Variants in GOLM2 observed in about 807,000 individuals in gnomAD.
The protein encoded by GOLM2 is protein GOLM2.
A neutral mutation model predicts 55.9 loss-of-function variants in GOLM2; 26 were observed. The observed-to-expected ratio is 0.47, with a 90% CI of 0.34 to 0.65. GOLM2 has a LOEUF of 0.65. Among genes scored for constraint, GOLM2 ranks in the 30% least tolerant of loss-of-function variants. The pLI is 0.01. For synonymous variants in GOLM2, 165 were observed against 194.6 expected (o/e 0.85, Z 1.27); for missense variants, 486 against 531.8 (o/e 0.91, Z 0.85).
chr15:44,408,418 A>G (rs971762388), intron 9 of GOLM2, among the ~76,000 whole-genome samples: 34 of 152,208 alleles, frequency 2.2e-4, no homozygotes, highest in South Asian at 2.1e-4. Flanking sequence ...AAGATACCAT[A>G]TTAAAACTTT....
chr15:44,369,616 G>C (rs2079315768), intron 6 of GOLM2, among the ~76,000 whole-genome samples: 1 of 151,108 alleles, frequency 6.6e-6, no homozygotes, highest in Admixed American at 6.6e-5. Flanking sequence ...GAGATCAGGA[G>C]TTTGAGACCA....
chr15:44,327,072 T>A lies in GOLM2; in HGVS notation c.383-1613T>A, dbSNP rs1235454566. On this transcript the variant is annotated intron_variant, in intron 2 of 9. Transcript: ENST00000299957. The stretch of plus-strand genomic sequence containing the variant: ...TTCAAGTGATTCTCTTGCCTCAGCC[T>A]CCCAAGTAGCTGGGATTACAGGCTC... 3.3e-5 allele frequency among the ~76,000 whole-genome samples: 5 copies of A among 151,482 alleles called. No homozygotes were observed. In the East Asian group the frequency reaches 9.9e-4, roughly 30 times the overall value.
At chr15:44,295,947 CAG>C (rs1555420388) in intron 1 of GOLM2, among the ~76,000 whole-genome samples, 6 of 151,194 alleles carry the variant, frequency 4.0e-5, no homozygotes, top group East Asian at 2.0e-4. Context: ...CACACACACA[CAG>C]ACACCCTTTT....
At chr15:44,359,826 G>A (rs1451087923) in intron 6 of GOLM2, among the ~76,000 whole-genome samples, 1 of 152,178 alleles carries the variant, frequency 6.6e-6, no homozygotes, top group African/African-American at 2.4e-5. Context: ...CCCACAAAGG[G>A]AAGCCCATCA....
chr15:44,373,843 A>G (rs769996513), intron 6 of GOLM2, among the ~76,000 whole-genome samples: 3 of 151,688 alleles, frequency 2.0e-5, no homozygotes, highest in Non-Finnish European at 4.4e-5. Context: ...GCTCACACCT[A>G]TAATCCCAGC....
At chr15:44,342,125 G>A (rs2079094308) in intron 6 of GOLM2, among the ~76,000 whole-genome samples, 1 of 152,030 alleles carries the variant, frequency 6.6e-6, no homozygotes, top group African/African-American at 2.4e-5. Context: ...ATTTGGAACT[G>A]GGAAAAACAC....
At chr15:44,352,454 A>G (rs2079170976) in intron 6 of GOLM2, among the ~76,000 whole-genome samples, 1 of 152,162 alleles carries the variant, frequency 6.6e-6, no homozygotes, top group African/African-American at 2.4e-5. Flanking sequence ...TAAGACCTGA[A>G]CTATGAAACT....
At chr15:44,336,578 A>T (rs2141145269) in intron 4 of GOLM2, among the ~76,000 whole-genome samples, 1 of 152,180 alleles carries the variant, frequency 6.6e-6, no homozygotes, top group South Asian at 2.1e-4. Context: ...CCTACACCTA[A>T]TTGTCAGAGT....
At chr15:44,385,434 T>A (rs1255143679) in intron 8 of GOLM2, among the ~76,000 whole-genome samples, 1 of 151,118 alleles carries the variant, frequency 6.6e-6, no homozygotes, top group South Asian at 2.1e-4. Flanking sequence ...AAGTGATGTT[T>A]CCTTGTGGTT....
At chr15:44,398,866 C>T (rs1440725289) in intron 8 of GOLM2, among the ~76,000 whole-genome samples, 1 of 151,862 alleles carries the variant, frequency 6.6e-6, no homozygotes, top group Non-Finnish European at 1.5e-5. Flanking sequence ...TGGGGTTTCT[C>T]CATGTTGGCC....
Position 44,322,589 on chromosome 15 carries a change from A to C in GOLM2, c.328-376A>C, listed in dbSNP as rs574933681. On this transcript the variant is annotated intron_variant, in intron 1 of 9. Coordinates refer to ENST00000299957, the MANE Select transcript of GOLM2 (RefSeq NM_138423.4). ...TATCCAAGGTCTTATTTTAATTTTT[A>C]AGTTGACTGGTAAGCCTTTGAGTCA... Among the ~76,000 whole-genome samples the C allele has an allele frequency of 7.9e-5, 12 of 152,220 alleles. No individual in the cohort carries two copies. The East Asian group carries it at 2.3e-3, about 29-fold the overall frequency.
At chr15:44,380,145 G>C (rs569248306) in intron 7 of GOLM2, among the ~76,000 whole-genome samples, 1 of 151,854 alleles carries the variant, frequency 6.6e-6, no homozygotes, top group South Asian at 2.1e-4. Context: ...TAAAATCTTC[G>C]TACTTATGAA....
intron 9 of GOLM2, among the ~76,000 whole-genome samples, chr15:44,408,144 T>G (rs2079610407): frequency 6.6e-6 from 1 of 152,238 alleles, no homozygotes; most frequent in Non-Finnish European, 1.5e-5. Context: ...AAATATTCCT[T>G]TAATATTCAT....
At chr15:44,389,411 C>A (rs2079472617) in intron 8 of GOLM2, among the ~76,000 whole-genome samples, 1 of 152,032 alleles carries the variant, frequency 6.6e-6, no homozygotes, top group African/African-American at 2.4e-5. Context: ...CGCCTGCAGT[C>A]TCAGCTACTC....
At chr15:44,363,890 G>T (rs1446623491) in intron 6 of GOLM2, among the ~76,000 whole-genome samples, 1 of 152,072 alleles carries the variant, frequency 6.6e-6, no homozygotes, top group African/African-American at 2.4e-5. Flanking sequence ...CATGTCCTTT[G>T]TAGGGACATG....
intron 6 of GOLM2, among the ~76,000 whole-genome samples, chr15:44,373,211 A>C (rs2079340417): frequency 6.6e-6 from 1 of 152,104 alleles, no homozygotes; most frequent in Non-Finnish European, 1.5e-5. Flanking sequence ...TAATCCCAGC[A>C]CTTTGGGAGG....
chr15:44,358,675 A>G (rs1419427569), intron 6 of GOLM2, among the ~76,000 whole-genome samples: 2 of 152,228 alleles, frequency 1.3e-5, no homozygotes, highest in African/African-American at 4.8e-5. Flanking sequence ...CTAGACATAG[A>G]CGTTATACCC....
chr15:44,344,307 A>G (rs920228687), intron 6 of GOLM2, among the ~76,000 whole-genome samples: 1 of 150,028 alleles, frequency 6.7e-6, no homozygotes, highest in Non-Finnish European at 1.5e-5. Flanking sequence ...ATATATATAT[A>G]TATACCTCTG....
intron 8 of GOLM2, 147 bp from the exon 9 acceptor site, chr15:44,402,740 G>A: frequency 1.6e-6 from 1 of 610,034 alleles, no homozygotes; most frequent in Non-Finnish European, 2.8e-6. Flanking sequence ...CTTTTGTCTT[G>A]GATAACCTTC....
Sources: gnomAD v4.1 joint callset for allele counts (sites outside exome capture counted in the v4.1 genomes callset) on GRCh38, gnomAD v4.1.1 for gene constraint, MANE v1.5 for transcripts, NCBI Gene and HGNC (gene_info 2026-07-23, HGNC 2026-07-21) for gene names.